Variants in MOB3B observed in about 807,000 individuals in gnomAD.
The protein encoded by MOB3B is MOB kinase activator-like 2B.
In MOB3B, 7 loss-of-function variants were observed where a neutral mutation model predicts 18.7. That is an observed-to-expected ratio of 0.37 (90% CI 0.21 to 0.70). The LOEUF (loss-of-function observed/expected upper bound fraction) is 0.70, where lower values mean the gene tolerates loss of function less well. MOB3B is among the 30% of genes least tolerant of loss of function. The pLI is 0.52. For missense variants in MOB3B, 253 were observed against 281.3 expected (o/e 0.90, Z 0.72); for synonymous variants, 111 against 99.9 (o/e 1.11, Z -0.66).
intron 1 of MOB3B, among the ~76,000 whole-genome samples, chr9:27,506,611 A>C (rs1305714816): frequency 2.0e-5 from 3 of 151,934 alleles, no homozygotes; most frequent in African/African-American, 7.3e-5. Flanking sequence ...AGCTCACTGC[A>C]ACTTCCGCCT....
At chr9:27,414,987 G>A (rs1032211415) in intron 2 of MOB3B, among the ~76,000 whole-genome samples, 6 of 151,676 alleles carry the variant, frequency 4.0e-5, no homozygotes, top group African/African-American at 9.7e-5. Context: ...TCAGCCTCCC[G>A]AGTAGCTGGG....
chr9:27,326,113 GA>G lies in MOB3B; in HGVS notation c.*4473del. 1 of 191,088 alleles carries G rather than the reference GA, an allele frequency of 5.2e-6. No individual in the cohort carries two copies. The highest frequency in any genetic ancestry group is 1.1e-5 in the Non-Finnish European group (1 of 94,400). 11.8% of individuals were successfully genotyped at this position (191,088 alleles called of 1,614,324 possible). The stretch of plus-strand genomic sequence containing the variant: ...TTAAAATAGAAAACCTATAAATGTA[GA>G]AAAAGCAGGTCTGGACTTAGCAAAG... On this transcript the variant is annotated 3_prime_UTR_variant, in exon 4 of 4. Transcript: ENST00000262244.
chr9:27,436,440 T>G (rs554140042), intron 2 of MOB3B, among the ~76,000 whole-genome samples: 1 of 152,346 alleles, frequency 6.6e-6, no homozygotes, highest in South Asian at 2.1e-4. Flanking sequence ...GACAAGGTCA[T>G]GCACGTTTTG....
intron 1 of MOB3B, among the ~76,000 whole-genome samples, chr9:27,521,275 G>A (rs1312151852): frequency 6.6e-6 from 1 of 152,178 alleles, no homozygotes; most frequent in Non-Finnish European, 1.5e-5. Context: ...TTATAGTAAA[G>A]GGAGGAAATT....
At chr9:27,432,681 T>C (rs1328256450) in intron 2 of MOB3B, among the ~76,000 whole-genome samples, 1 of 152,192 alleles carries the variant, frequency 6.6e-6, no homozygotes, top group Non-Finnish European at 1.5e-5. Flanking sequence ...CATCCTTTCC[T>C]GCCCAAAAAT....
chr9:27,440,740 T>TA (rs1822582350), intron 2 of MOB3B, among the ~76,000 whole-genome samples: 2 of 151,986 alleles, frequency 1.3e-5, no homozygotes, highest in Non-Finnish European at 2.9e-5. Flanking sequence ...ATTTTTTTTT[T>TA]AAAGATCAAT....
intron 2 of MOB3B, among the ~76,000 whole-genome samples, chr9:27,407,764 T>G (rs566457689): frequency 6.6e-6 from 1 of 152,266 alleles, no homozygotes; most frequent in Admixed American, 6.5e-5. Context: ...ACTGGGAAGG[T>G]GGAGAGAGGC....
chr9:27,521,289 G>A (rs1820320952), intron 1 of MOB3B, among the ~76,000 whole-genome samples: 1 of 152,158 alleles, frequency 6.6e-6, no homozygotes, highest in South Asian at 2.1e-4. Context: ...GGAAATTTGG[G>A]GTGAGAGGGC....
At chr9:27,452,281 T>C (rs193017044) in intron 2 of MOB3B, among the ~76,000 whole-genome samples, 187 of 152,346 alleles carry the variant, frequency 1.2e-3, no homozygotes, top group African/African-American at 4.0e-3. Flanking sequence ...GATAGTCAGA[T>C]GAATTAGACA....
intron 2 of MOB3B, among the ~76,000 whole-genome samples, chr9:27,438,655 C>G (rs1376942022): frequency 1.3e-5 from 2 of 152,186 alleles, no homozygotes; most frequent in Non-Finnish European, 2.9e-5. Context: ...CAAAGGGCAG[C>G]TGCTGGATAG....
intron 2 of MOB3B, among the ~76,000 whole-genome samples, chr9:27,380,252 A>G (rs1563854381): frequency 6.8e-6 from 1 of 147,434 alleles, no homozygotes; most frequent in Non-Finnish European, 1.5e-5. Context: ...AGTGCAGAAA[A>G]AGAGATAGGA....
intron 3 of MOB3B, among the ~76,000 whole-genome samples, chr9:27,336,087 C>T (rs1820859400): frequency 6.6e-6 from 1 of 152,142 alleles, no homozygotes; most frequent in Non-Finnish European, 1.5e-5. Flanking sequence ...TTAGACTTAC[C>T]TTGTGCACTT....
At chr9:27,434,344 T>C (rs985268902) in intron 2 of MOB3B, among the ~76,000 whole-genome samples, 21 of 152,176 alleles carry the variant, frequency 1.4e-4, no homozygotes, top group African/African-American at 4.8e-4. Context: ...CTGTGTTTTC[T>C]CTTAACTCTC....
At chr9:27,372,419 C>G (rs1484923218) in intron 2 of MOB3B, among the ~76,000 whole-genome samples, 2 of 152,256 alleles carry the variant, frequency 1.3e-5, no homozygotes, top group Admixed American at 6.5e-5. Flanking sequence ...TATGTAAATA[C>G]TCCCTGTTCA....
At chr9:27,512,846 C>A (rs1236862971) in intron 1 of MOB3B, among the ~76,000 whole-genome samples, 1 of 152,062 alleles carries the variant, frequency 6.6e-6, no homozygotes, top group Non-Finnish European at 1.5e-5. Context: ...TTAAATCAAT[C>A]ATGAAAAACA....
In MOB3B at chr9:27,327,200, C is replaced by T. The variant is rs1459974181; in HGVS notation, c.*3387G>A. ...CTTATAATATTTTGGGGATCCTGGG[C>T]CTCCTTGAGAACATTAAGGGATGAA... is the stretch of plus-strand genomic sequence containing the variant. On this transcript the variant is annotated 3_prime_UTR_variant, in exon 4 of 4. Coordinates refer to ENST00000262244, the MANE Select transcript of MOB3B (RefSeq NM_024761.5). The T allele has an allele frequency of 6.6e-6, 1 of 152,112 alleles. No individual in the cohort carries two copies. The highest frequency in any genetic ancestry group is 1.5e-5 in the Non-Finnish European group (1 of 68,020). The allele number at this position is 152,112 out of a possible 1,614,324, so 9.4% of individuals were successfully genotyped here. A position where few individuals can be genotyped will look rare whatever the true frequency, so the allele number is the denominator to read the frequency against.
At chr9:27,409,731 A>ATG (rs1181965380) in intron 2 of MOB3B, among the ~76,000 whole-genome samples, 1 of 152,242 alleles carries the variant, frequency 6.6e-6, no homozygotes, top group Non-Finnish European at 1.5e-5. Context: ...TGGTATATAT[A>ATG]TAAAATGAAA....
chr9:27,357,121 A>AATATATATATATATATATATATATGT (rs374117162), intron 3 of MOB3B, among the ~76,000 whole-genome samples: 1 of 62,916 alleles, frequency 1.6e-5, no homozygotes, highest in African/African-American at 4.9e-5. Flanking sequence ...GAGTAATGCA[A>AATATATATATATATATATATATATGT]ATATATATAT....
intron 2 of MOB3B, among the ~76,000 whole-genome samples, chr9:27,379,583 G>A (rs541031239): frequency 2.0e-5 from 3 of 152,292 alleles, no homozygotes; most frequent in Admixed American, 2.0e-4. Flanking sequence ...GAGCCGGGCT[G>A]TGAGGGCTGC....
Sources: allele counts gnomAD v4.1 joint callset (sites outside exome capture counted in the v4.1 genomes callset), GRCh38; gene constraint gnomAD v4.1.1; transcripts MANE v1.5; gene names NCBI Gene and HGNC (gene_info 2026-07-23, HGNC 2026-07-21).